Variants in GABRB2 observed in about 807,000 individuals in gnomAD.
The protein encoded by GABRB2 is gamma-aminobutyric acid receptor subunit beta-2.
A neutral mutation model predicts 54.7 loss-of-function variants in GABRB2; 16 were observed. That is an observed-to-expected ratio of 0.29 (90% CI 0.20 to 0.44). The LOEUF is 0.44. Ranked by LOEUF, GABRB2 falls within the 20% of genes least tolerant of loss-of-function variation. The pLI, the probability that GABRB2 is intolerant of heterozygous loss-of-function variation, is 1.00. For missense variants in GABRB2, 355 were observed against 644.0 expected (o/e 0.55, Z 4.86); for synonymous variants, 244 against 233.8 (o/e 1.04, Z -0.40).
intron 3 of GABRB2, among the ~76,000 whole-genome samples, chr5:161,483,223 T>C (rs1193803129): frequency 2.0e-5 from 3 of 152,024 alleles, no homozygotes; most frequent in African/African-American, 7.2e-5. Flanking sequence ...ATTCCCAACC[T>C]TTTATAATTT....
At chr5:161,476,146 A>G (rs1758584761) in intron 3 of GABRB2, among the ~76,000 whole-genome samples, 1 of 151,962 alleles carries the variant, frequency 6.6e-6, no homozygotes, top group African/African-American at 2.4e-5. Context: ...TAAACTAACG[A>G]TGAGAAATAC....
chr5:161,459,882 C>T (rs1758067352), intron 3 of GABRB2, 38 bp from the exon 4 acceptor site: 2 of 1,246,054 alleles, frequency 1.6e-6, no homozygotes, highest in South Asian at 1.2e-5. Context: ...TTAGTTTACA[C>T]CCAGACAGAT....
chr5:161,396,236 C>T (rs961433281), intron 5 of GABRB2, among the ~76,000 whole-genome samples: 1 of 152,152 alleles, frequency 6.6e-6, no homozygotes, highest in African/African-American at 2.4e-5. Flanking sequence ...AAGTAAACCC[C>T]ATCCATTCCT....
chr5:161,451,374 T>A (rs1757782862), intron 4 of GABRB2, among the ~76,000 whole-genome samples: 1 of 152,132 alleles, frequency 6.6e-6, no homozygotes, highest in African/African-American at 2.4e-5. Context: ...CAAACAATTG[T>A]TTTTAGATGG....
intron 9 of GABRB2, among the ~76,000 whole-genome samples, chr5:161,323,791 G>A (rs1225156822): frequency 1.3e-5 from 2 of 152,100 alleles, no homozygotes; most frequent in Admixed American, 1.3e-4. Context: ...CGTATACACT[G>A]TGTGTATGTG....
rs760468106 is a variant in GABRB2 at position 161,326,382 on chromosome 5, A to T, written c.1177T>A (p.Phe393Ile). The T allele has an allele frequency of 6.2e-7, 1 of 1,613,614 alleles. No individual in the cohort carries two copies. The highest frequency in any genetic ancestry group is 1.1e-5 in the South Asian group (1 of 91,054). ...SPTRRTTNYD[F>I]SLYTMDPHEN... ...GGCTATCTAACCGTATACAGAGAGA[A>T]ATCGTAATTGGTAGTCCGTCTAGTT... The change falls in exon 9 of 10, where the codon TTC becomes ATC. Residue 393 changes from phenylalanine (F) to isoleucine (I), a missense_variant. By Grantham distance (21) the Phe-to-Ile change is conservative. This residue lies in a region of GABRB2 where 201 missense variants were observed against 228.1 expected (regional missense o/e 0.88). Transcript: ENST00000393959.
At chr5:161,442,405 C>T (rs531743527) in intron 4 of GABRB2, among the ~76,000 whole-genome samples, 9 of 152,292 alleles carry the variant, frequency 5.9e-5, no homozygotes, top group Non-Finnish European at 7.3e-5. Flanking sequence ...TACCCACTCT[C>T]GTGCAGAATC....
At chr5:161,403,598 C>A (rs543437878) in intron 5 of GABRB2, among the ~76,000 whole-genome samples, 1 of 152,050 alleles carries the variant, frequency 6.6e-6, no homozygotes, top group African/African-American at 2.4e-5. Context: ...CAGCACACAT[C>A]GTCACAAAAA....
In GABRB2 at chr5:161,416,220, A is replaced by G. The variant is rs141781752; in HGVS notation, c.459-5163T>C. Among the ~76,000 whole-genome samples, 484 of 152,244 alleles carry G rather than the reference A, an allele frequency of 3.2e-3. 1 individual carries two copies. The highest frequency in any genetic ancestry group is 0.01 in the African/African-American group (430 of 41,552). ...CTCCCTAAGTGTTGAGATTGCAGAGATGAGCCACCATGCCCAGCCAGCATT... is the reference window on the plus strand; with the variant it reads ...CTCCCTAAGTGTTGAGATTGCAGAGGTGAGCCACCATGCCCAGCCAGCATT... On this transcript the variant is annotated intron_variant, in intron 4 of 9. Transcript: ENST00000393959.
intron 5 of GABRB2, among the ~76,000 whole-genome samples, chr5:161,366,603 G>A (rs922759708): frequency 1.3e-5 from 2 of 152,088 alleles, no homozygotes; most frequent in African/African-American, 2.4e-5. Context: ...ACTGTTAACT[G>A]AAAGAATCCA....
chr5:161,376,365 G>A (rs1755297103), intron 5 of GABRB2, among the ~76,000 whole-genome samples: 1 of 152,030 alleles, frequency 6.6e-6, no homozygotes, highest in African/African-American at 2.4e-5. Flanking sequence ...GAGAATTCTA[G>A]GATACAGAGG....
intron 3 of GABRB2, among the ~76,000 whole-genome samples, chr5:161,496,679 A>T (rs1197075054): frequency 1.3e-5 from 2 of 152,090 alleles, no homozygotes; most frequent in African/African-American, 4.8e-5. Context: ...TATTTTTAAA[A>T]TTTAAAACGT....
chr5:161,473,375 A>G (rs1040396517), intron 3 of GABRB2, among the ~76,000 whole-genome samples: 1 of 152,018 alleles, frequency 6.6e-6, no homozygotes, highest in Non-Finnish European at 1.5e-5. Flanking sequence ...AAGATGCGGA[A>G]AAAGTGTAAG....
chr5:161,325,547 TATA>T (rs1246879294), intron 9 of GABRB2, among the ~76,000 whole-genome samples: 3 of 152,080 alleles, frequency 2.0e-5, no homozygotes, highest in Non-Finnish European at 4.4e-5. Context: ...ACTTAGAAGA[TATA>T]ATAATGGAAG....
At chr5:161,371,112 C>T (rs765007895) in intron 5 of GABRB2, among the ~76,000 whole-genome samples, 11 of 152,096 alleles carry the variant, frequency 7.2e-5, no homozygotes, top group African/African-American at 1.4e-4. Context: ...TTCTTGCCTC[C>T]AACCCCCTCT....
chr5:161,307,863 CTTTT>C (rs34485396), intron 9 of GABRB2, among the ~76,000 whole-genome samples: 1 of 140,086 alleles, frequency 7.1e-6, no homozygotes. Flanking sequence ...AAGACTAATT[CTTTT>C]TTTTTTTTTT....
At chr5:161,343,667 A>G (rs553881048) in intron 5 of GABRB2, among the ~76,000 whole-genome samples, 1 of 152,200 alleles carries the variant, frequency 6.6e-6, no homozygotes, top group East Asian at 1.9e-4. Context: ...TAATAAACAA[A>G]ATAGCCACAA....
intron 3 of GABRB2, among the ~76,000 whole-genome samples, chr5:161,508,534 G>A (rs552535845): frequency 6.6e-6 from 1 of 151,902 alleles, no homozygotes; most frequent in South Asian, 2.1e-4. Flanking sequence ...TGTCTCCCAC[G>A]ATGATGTTCC....
chr5:161,508,150 A>C (rs1255636786), intron 3 of GABRB2, among the ~76,000 whole-genome samples: 1 of 151,738 alleles, frequency 6.6e-6, no homozygotes, highest in African/African-American at 2.4e-5. Flanking sequence ...TATAGGTACT[A>C]TACTAAGAGA....
Sources: gnomAD v4.1 joint callset for allele counts (sites outside exome capture counted in the v4.1 genomes callset) on GRCh38, gnomAD v4.1.1 for gene constraint, gnomAD v4.1.1 regional missense constraint, MANE v1.5 for transcripts, NCBI Gene and HGNC (gene_info 2026-07-23, HGNC 2026-07-21) for gene names.